The following LRIG1 variants were observed in gnomAD, a reference collection of about 807,000 sequenced individuals.
The protein encoded by LRIG1 is leucine rich repeats and immunoglobulin like domains 1, also known as leucine-rich repeats and immunoglobulin-like domains protein 1.
A neutral mutation model predicts 99.2 loss-of-function variants in LRIG1; 48 were observed. The observed-to-expected ratio is 0.48, with a 90% confidence interval of 0.38 to 0.62. The LOEUF (loss-of-function observed/expected upper bound fraction) is 0.62, where lower values mean the gene tolerates loss of function less well. Ranked by LOEUF, LRIG1 falls within the 20% of genes least tolerant of loss-of-function variation. The probability of loss-of-function intolerance (pLI) is 0.00; values close to 1 mark genes in which losing one functional copy is unlikely to be tolerated. For synonymous variants in LRIG1, 772 were observed against 596.1 expected (o/e 1.29, Z -4.30); for missense variants, 1,646 against 1,434.4 (o/e 1.15, Z -2.38).
chr3:66,394,203 G>T lies in LRIG1; in HGVS notation c.1305C>A (p.Leu435=), dbSNP rs1198014649. The T allele has an allele frequency of 6.3e-7, 1 of 1,583,138 alleles. No homozygotes were observed. Among genetic ancestry groups the T allele is most frequent in the African/African-American group, 1.4e-5 (1 of 73,846 alleles). The stretch of plus-strand genomic sequence containing the variant: ...ACAGGAAGCTGTCGCTGCTGATATG[G>T]CTGAAAGAAACACAACAGTGGATGC... ...AFVKMKNLKE[L]HISSDSFLCD... Residue 435 remains leucine, a splice_region_variant and synonymous_variant, in exon 12 of 19, where the codon CTC becomes CTA. Transcript: ENST00000273261.
intron 1 of LRIG1, among the ~76,000 whole-genome samples, chr3:66,484,130 T>C (rs60120473): frequency 0.055 from 8,408 of 152,194 alleles, 761 homozygotes; most frequent in African/African-American, 0.19. Context: ...TGGAGGGTGG[T>C]GAGGGGTATA....
intron 2 of LRIG1, among the ~76,000 whole-genome samples, chr3:66,454,483 A>G (rs979913744): frequency 2.6e-5 from 4 of 152,164 alleles, no homozygotes; most frequent in Non-Finnish European, 5.9e-5. Context: ...ACGATTGTAC[A>G]GTCTTCTCTC....
intron 15 of LRIG1, 47 bp from the exon 16 acceptor site, chr3:66,382,445 A>C (rs1190760480): frequency 1.1e-5 from 17 of 1,610,846 alleles, no homozygotes; most frequent in Non-Finnish European, 1.4e-5. Flanking sequence ...CAGTGACAAG[A>C]AATGCAGACA....
chr3:66,437,082 C>G (rs568637391), intron 3 of LRIG1, among the ~76,000 whole-genome samples: 4 of 152,228 alleles, frequency 2.6e-5, no homozygotes, highest in Non-Finnish European at 5.9e-5. Context: ...TTTTACGCAG[C>G]CTGCTGCACC....
At chr3:66,426,754 T>A (rs2106729068) in intron 3 of LRIG1, among the ~76,000 whole-genome samples, 1 of 152,332 alleles carries the variant, frequency 6.6e-6, no homozygotes. Flanking sequence ...AAATCCACAC[T>A]GTATATCCTA....
intron 17 of LRIG1, 52 bp from the exon 18 acceptor site, chr3:66,380,913 TC>T: frequency 6.3e-7 from 1 of 1,578,234 alleles, no homozygotes; most frequent in Non-Finnish European, 8.7e-7. Flanking sequence ...GGAGTCTTCG[TC>T]CCCACACAGA....
chr3:66,489,700 T>C (rs1169495679), intron 1 of LRIG1, among the ~76,000 whole-genome samples: 1 of 152,170 alleles, frequency 6.6e-6, no homozygotes, highest in Non-Finnish European at 1.5e-5. Context: ...GTCTTAGAAA[T>C]TATACATCCC....
chr3:66,438,269 A>G (rs1323885852), intron 3 of LRIG1, among the ~76,000 whole-genome samples: 3 of 152,154 alleles, frequency 2.0e-5, no homozygotes, highest in Non-Finnish European at 4.4e-5. Context: ...GGCCTTCTCC[A>G]CAGAATTCAT....
At chr3:66,438,376 A>C (rs1200568929) in intron 3 of LRIG1, among the ~76,000 whole-genome samples, 1 of 152,236 alleles carries the variant, frequency 6.6e-6, no homozygotes, top group Non-Finnish European at 1.5e-5. Flanking sequence ...TCCAAAGAAC[A>C]TACAGCCCAG....
intron 3 of LRIG1, among the ~76,000 whole-genome samples, chr3:66,429,731 G>A (rs1004548996): frequency 2.0e-5 from 3 of 151,962 alleles, no homozygotes; most frequent in Non-Finnish European, 2.9e-5. Flanking sequence ...TGACTCATCA[G>A]TTGTAACAAA....
intron 1 of LRIG1, among the ~76,000 whole-genome samples, chr3:66,492,518 A>G (rs892025824): frequency 3.3e-5 from 5 of 152,172 alleles, no homozygotes; most frequent in African/African-American, 1.2e-4. Context: ...ACCTTCACTC[A>G]TTTCCTTCAT....
chr3:66,381,232 TG>T (rs1701042159), intron 17 of LRIG1, among the ~76,000 whole-genome samples: 1 of 152,220 alleles, frequency 6.6e-6, no homozygotes, highest in Non-Finnish European at 1.5e-5. Context: ...GTTTGTGCCT[TG>T]CCCCTTATTT....
At chr3:66,492,420 T>A (rs1445274180) in intron 1 of LRIG1, among the ~76,000 whole-genome samples, 1 of 152,196 alleles carries the variant, frequency 6.6e-6, no homozygotes, top group East Asian at 1.9e-4. Context: ...GAGTTGTTTT[T>A]TTTCTAATCA....
intron 2 of LRIG1, 56 bp downstream of exon 2, chr3:66,462,382 T>C: frequency 7.4e-7 from 1 of 1,350,340 alleles, no homozygotes; most frequent in Non-Finnish European, 1.1e-6. Flanking sequence ...TACAAGAGGA[T>C]TTTCCCAAAG....
intron 9 of LRIG1, among the ~76,000 whole-genome samples, chr3:66,400,474 C>T (rs759781638): frequency 2.0e-5 from 3 of 152,164 alleles, no homozygotes; most frequent in Non-Finnish European, 2.9e-5. Flanking sequence ...CTAAGAATAC[C>T]GATTGCTGGG....
At chr3:66,494,936 C>T (rs1377336197) in intron 1 of LRIG1, among the ~76,000 whole-genome samples, 1 of 152,180 alleles carries the variant, frequency 6.6e-6, no homozygotes, top group Non-Finnish European at 1.5e-5. Context: ...CTAAACTGTG[C>T]AGCTATATCA....
At chr3:66,475,349 G>T (rs1700697648) in intron 1 of LRIG1, among the ~76,000 whole-genome samples, 1 of 152,178 alleles carries the variant, frequency 6.6e-6, no homozygotes, top group Non-Finnish European at 1.5e-5. Context: ...AAATTAAGTG[G>T]GTTTTGTTCT....
chr3:66,425,748 CCA>C (rs1332516331), intron 3 of LRIG1, among the ~76,000 whole-genome samples: 1 of 152,204 alleles, frequency 6.6e-6, no homozygotes, highest in African/African-American at 2.4e-5. Flanking sequence ...TCGCCTCCAT[CCA>C]CAGTGTCAGT....
intron 12 of LRIG1, among the ~76,000 whole-genome samples, chr3:66,389,529 A>G (rs536056648): frequency 6.6e-6 from 1 of 152,312 alleles, no homozygotes; most frequent in East Asian, 1.9e-4. Context: ...AAGTGTCCAT[A>G]CTACTAACAG....
Sources: gnomAD v4.1 joint callset for allele counts (sites outside exome capture counted in the v4.1 genomes callset) on GRCh38, gnomAD v4.1.1 for gene constraint, MANE v1.5 for transcripts, NCBI Gene and HGNC (gene_info 2026-07-23, HGNC 2026-07-21) for gene names.